GYPE: variants seen among roughly 807,000 people sequenced by gnomAD.
The protein encoded by GYPE is glycophorin E (MNS blood group).
In GYPE, 8 loss-of-function variants were observed where a neutral mutation model predicts 11.6. That is an observed-to-expected ratio of 0.69 (90% CI 0.41 to 1.25). The LOEUF (loss-of-function observed/expected upper bound fraction) is 1.25. GYPE is among the 50% of genes most tolerant of loss of function. GYPE has a pLI of 0.01. For synonymous variants in GYPE, 28 were observed against 29.6 expected (o/e 0.94, Z 0.18); for missense variants, 90 against 92.8 (o/e 0.97, Z 0.12).
In GYPE at chr4:143,903,935, C is replaced by T. The variant is rs185660693; in HGVS notation, c.37+1536G>A. On this transcript the variant is annotated intron_variant, in intron 1 of 3. Transcript: ENST00000358615. The stretch of plus-strand genomic sequence containing the variant: ...GCAGTGTCTAATTTTGTTTGAGTTA[C>T]ATCCAGTTTGGTTTGCCCCATGGAG... Among the ~76,000 whole-genome samples the T allele has an allele frequency of 2.8e-4, 42 of 152,298 alleles. 1 individual carries two copies. The highest frequency in any genetic ancestry group is 9.9e-4 in the African/African-American group (41 of 41,544).
intron 1 of GYPE, among the ~76,000 whole-genome samples, chr4:143,889,768 T>C (rs4835364): frequency 0.93 from 141,011 of 152,108 alleles, 66,312 homozygotes; most frequent in East Asian, 1. Context: ...CACACTTACT[T>C]CATTCCACAC....
chr4:143,874,936 G>T (rs935939489), intron 3 of GYPE, among the ~76,000 whole-genome samples: 2 of 152,134 alleles, frequency 1.3e-5, no homozygotes, highest in African/African-American at 4.8e-5. Context: ...CTATAATTAA[G>T]ATCAATGGAT....
intron 1 of GYPE, among the ~76,000 whole-genome samples, chr4:143,892,147 G>A (rs978925403): frequency 2.6e-5 from 4 of 152,000 alleles, no homozygotes; most frequent in South Asian, 2.1e-4. Flanking sequence ...CTGTGGGATC[G>A]GTGGTGATAT....
rs918889401 is a variant in GYPE at position 143,885,506 on chromosome 4, G to A, written c.38-4997C>T. ...GAAATTTTGTTCTGAAGTGAAGGCT[G>A]AAACCCCAGAGATCAAACACTGTAC... On this transcript the variant is annotated intron_variant, in intron 1 of 3. Coordinates refer to ENST00000358615, the MANE Select transcript of GYPE (RefSeq NM_198682.3). Among the ~76,000 whole-genome samples, 91 of 152,060 alleles carry A rather than the reference G, an allele frequency of 6.0e-4. 3 individuals carry two copies. Among genetic ancestry groups the A allele is most frequent in the Non-Finnish European group, 1.8e-4 (12 of 68,018 alleles).
chr4:143,905,497 T>C lies in GYPE; in HGVS notation c.11A>G (p.Lys4Arg). Reference protein sequence around the residue: MYGKIIFVLLLSGI... With the variant: MYGRIIFVLLLSGI... Reference sequence around the variant, plus strand: ...TGACAATAGTAATACAAAGATTATTTTTCCATACATCCTGAGATCACGAGC... The same window carrying C: ...TGACAATAGTAATACAAAGATTATTCTTCCATACATCCTGAGATCACGAGC... The change falls in exon 1 of 4, where the codon AAA (lysine) becomes AGA (arginine). Residue 4 changes from lysine to arginine, a missense_variant. By Grantham distance (26) the Lys-to-Arg change is conservative (BLOSUM62 2). Transcript: ENST00000358615. The C allele has an allele frequency of 6.2e-7, 1 of 1,613,274 alleles. No individual in the cohort carries two copies. The highest frequency in any genetic ancestry group is 8.5e-7 in the Non-Finnish European group (1 of 1,179,358).
intron 1 of GYPE, among the ~76,000 whole-genome samples, chr4:143,896,962 A>T (rs576697305): frequency 6.6e-6 from 1 of 150,894 alleles, no homozygotes; most frequent in Admixed American, 6.6e-5. Flanking sequence ...AACAATGAGA[A>T]CACATGGACA....
chr4:143,898,834 C>A (rs1469626646), intron 1 of GYPE, among the ~76,000 whole-genome samples: 4 of 152,106 alleles, frequency 2.6e-5, no homozygotes, highest in African/African-American at 7.2e-5. Flanking sequence ...CTGAATCTAG[C>A]AGAATAGTTC....
At chr4:143,902,831 A>C (rs1744920493) in intron 1 of GYPE, among the ~76,000 whole-genome samples, 1 of 152,124 alleles carries the variant, frequency 6.6e-6, no homozygotes, top group African/African-American at 2.4e-5. Flanking sequence ...TTTTGTATGA[A>C]TTTTTAAGTA....
At chr4:143,879,511 G>GT (rs1743940036) in intron 2 of GYPE, among the ~76,000 whole-genome samples, 1 of 152,090 alleles carries the variant, frequency 6.6e-6, no homozygotes, top group South Asian at 2.1e-4. Context: ...TGGGTTTTCT[G>GT]TCACAAAAGC....
At chr4:143,895,396 C>G (rs974695387) in intron 1 of GYPE, among the ~76,000 whole-genome samples, 2 of 151,984 alleles carry the variant, frequency 1.3e-5, no homozygotes, top group African/African-American at 4.8e-5. Context: ...TGAGTGAAAT[C>G]CCATTCACAA....
intron 1 of GYPE, among the ~76,000 whole-genome samples, chr4:143,895,180 A>G (rs1430203062): frequency 6.6e-6 from 1 of 152,182 alleles, no homozygotes; most frequent in East Asian, 1.9e-4. Context: ...AGAACGAAAT[A>G]AAGGGTATTC....
At chr4:143,873,854 C>T (rs1210884910) in intron 3 of GYPE, among the ~76,000 whole-genome samples, 1 of 151,992 alleles carries the variant, frequency 6.6e-6, no homozygotes, top group Non-Finnish European at 1.5e-5. Context: ...TATTCCTAAA[C>T]CTATCTGTGC....
At chr4:143,896,167 T>C (rs1744624176) in intron 1 of GYPE, among the ~76,000 whole-genome samples, 1 of 152,000 alleles carries the variant, frequency 6.6e-6, no homozygotes, top group Admixed American at 6.6e-5. Context: ...GGGATCTAAT[T>C]AAACTAAAGA....
chr4:143,884,132 C>G (rs1334681224), intron 1 of GYPE, among the ~76,000 whole-genome samples: 1 of 150,250 alleles, frequency 6.7e-6, no homozygotes, highest in African/African-American at 2.5e-5. Flanking sequence ...TTCTGCACAT[C>G]TGTTTTCTCT....
chr4:143,904,430 A>G (rs1291763235), intron 1 of GYPE, among the ~76,000 whole-genome samples: 4 of 152,150 alleles, frequency 2.6e-5, no homozygotes, highest in Non-Finnish European at 5.9e-5. Flanking sequence ...ATGTGGGCAC[A>G]TAATTTGCCT....
chr4:143,878,660 C>A, intron 2 of GYPE: 2 of 489,832 alleles, frequency 4.1e-6, no homozygotes, highest in Non-Finnish European at 4.3e-6. Flanking sequence ...AAACGATGGA[C>A]AAGTTGTCCC....
intron 1 of GYPE, 121 bp from the exon 2 acceptor site, chr4:143,880,630 T>C: frequency 2.8e-6 from 4 of 1,405,488 alleles, no homozygotes; most frequent in Middle Eastern, 3.5e-4. Context: ...CGCTTTGGTA[T>C]ATATCTTACA....
chr4:143,874,568 G>T (rs549030995), intron 3 of GYPE, among the ~76,000 whole-genome samples: 11 of 152,212 alleles, frequency 7.2e-5, no homozygotes, highest in Admixed American at 3.3e-4. Context: ...ACAGCATATG[G>T]CCAAGGCCTG....
At chr4:143,877,330 G>A (rs1005790802) in intron 2 of GYPE, among the ~76,000 whole-genome samples, 43 of 152,138 alleles carry the variant, frequency 2.8e-4, no homozygotes, top group Admixed American at 4.6e-4. Context: ...AAGAAAAGAA[G>A]CTGAATAAGG....
Sources: gnomAD v4.1 joint callset for allele counts (sites outside exome capture counted in the v4.1 genomes callset) on GRCh38, gnomAD v4.1.1 for gene constraint, MANE v1.5 for transcripts, NCBI Gene and HGNC (gene_info 2026-07-23, HGNC 2026-07-21) for gene names.